RSRC1: variants seen among roughly 807,000 people sequenced by gnomAD.
The protein encoded by RSRC1 is serine/Arginine-related protein 53.
In RSRC1, 39 loss-of-function variants were observed where a neutral mutation model predicts 49.1. The observed-to-expected ratio is 0.79, with a 90% confidence interval of 0.61 to 1.04. RSRC1 has a LOEUF of 1.04. RSRC1 is among the 50% of genes least tolerant of loss of function. The probability of loss-of-function intolerance (pLI) is 0.00; values close to 1 mark genes in which losing one functional copy is unlikely to be tolerated. For missense variants in RSRC1, 388 were observed against 402.4 expected (o/e 0.96, Z 0.31); for synonymous variants, 143 against 130.8 (o/e 1.09, Z -0.63).
intron 7 of RSRC1, among the ~76,000 whole-genome samples, chr3:158,514,396 G>C (rs1290885146): frequency 6.6e-6 from 1 of 152,194 alleles, no homozygotes; most frequent in Non-Finnish European, 1.5e-5. Context: ...TTCAGGAGCA[G>C]TTTGTTCAGT....
At chr3:158,234,212 T>A (rs1723115303) in intron 4 of RSRC1, among the ~76,000 whole-genome samples, 1 of 152,204 alleles carries the variant, frequency 6.6e-6, no homozygotes, top group Non-Finnish European at 1.5e-5. Flanking sequence ...AGATCCCAGC[T>A]ATTCACAAGA....
chr3:158,151,194 A>C (rs1321601234), intron 3 of RSRC1, among the ~76,000 whole-genome samples: 2 of 152,226 alleles, frequency 1.3e-5, no homozygotes, highest in African/African-American at 4.8e-5. Context: ...GAGCCTTCAT[A>C]AGGAAATGAA....
intron 4 of RSRC1, among the ~76,000 whole-genome samples, chr3:158,218,725 A>G (rs1383607123): frequency 1.3e-5 from 2 of 151,702 alleles, no homozygotes; most frequent in South Asian, 2.1e-4. Flanking sequence ...ACAGAAACCT[A>G]TAAAGGGGAG....
At chr3:158,217,032 A>G (rs1221134054) in intron 4 of RSRC1, among the ~76,000 whole-genome samples, 1 of 151,682 alleles carries the variant, frequency 6.6e-6, no homozygotes, top group Admixed American at 6.6e-5. Context: ...CTTCAGCTAT[A>G]TCTATACAGT....
chr3:158,511,514 G>C (rs955878791), intron 7 of RSRC1, among the ~76,000 whole-genome samples: 7 of 152,114 alleles, frequency 4.6e-5, no homozygotes, highest in Non-Finnish European at 7.3e-5. Flanking sequence ...TCTTACTCCA[G>C]TCTATCATTG....
intron 4 of RSRC1, among the ~76,000 whole-genome samples, chr3:158,294,299 A>G (rs991407706): frequency 1.3e-5 from 2 of 151,890 alleles, no homozygotes; most frequent in African/African-American, 4.8e-5. Context: ...TGTATTTTCA[A>G]TCCATCCTCT....
chr3:158,288,053 C>T (rs191427824), intron 4 of RSRC1, among the ~76,000 whole-genome samples: 2 of 152,088 alleles, frequency 1.3e-5, no homozygotes, highest in African/African-American at 4.8e-5. Context: ...TAATGAACAA[C>T]ATGCACAACT....
At chr3:158,149,573 T>C (rs959968094) in intron 3 of RSRC1, among the ~76,000 whole-genome samples, 1 of 152,198 alleles carries the variant, frequency 6.6e-6, no homozygotes, top group Non-Finnish European at 1.5e-5. Context: ...CATTCACTTA[T>C]TCGTATTTGA....
At chr3:158,342,618 T>C (rs1484700525) in intron 5 of RSRC1, among the ~76,000 whole-genome samples, 2 of 152,164 alleles carry the variant, frequency 1.3e-5, no homozygotes, top group African/African-American at 4.8e-5. Flanking sequence ...GATAATAAAT[T>C]ATTATTAACA....
intron 6 of RSRC1, among the ~76,000 whole-genome samples, chr3:158,421,779 C>G (rs1268184734): frequency 6.6e-6 from 1 of 151,720 alleles, no homozygotes; most frequent in African/African-American, 2.4e-5. Flanking sequence ...CAATTGGACC[C>G]GAATTTTAAA....
intron 6 of RSRC1, among the ~76,000 whole-genome samples, chr3:158,416,178 A>ATT (rs138313875): frequency 8.0e-5 from 12 of 150,826 alleles, no homozygotes; most frequent in South Asian, 6.3e-4. Flanking sequence ...AGAGTCTTCT[A>ATT]TTTTTTTTTA....
chr3:158,127,458 A>G (rs1409741655), intron 3 of RSRC1, among the ~76,000 whole-genome samples: 3 of 151,808 alleles, frequency 2.0e-5, no homozygotes, highest in Non-Finnish European at 4.4e-5. Flanking sequence ...TGCGTTTGCT[A>G]CTGAACCTCT....
chr3:158,254,303 A>G (rs1724405165), intron 4 of RSRC1, among the ~76,000 whole-genome samples: 2 of 152,216 alleles, frequency 1.3e-5, no homozygotes, highest in Admixed American at 1.3e-4. Context: ...GCTGGGTCAA[A>G]TGGCATTTCT....
chr3:158,366,497 T>C (rs1317394037), intron 6 of RSRC1, among the ~76,000 whole-genome samples: 1 of 152,156 alleles, frequency 6.6e-6, no homozygotes, highest in Non-Finnish European at 1.5e-5. Context: ...TTCTGTTCCA[T>C]TGGTTTATAT....
chr3:158,341,332 G>T (rs1360415603), intron 5 of RSRC1, among the ~76,000 whole-genome samples: 1 of 152,046 alleles, frequency 6.6e-6, no homozygotes, highest in African/African-American at 2.4e-5. Flanking sequence ...GGAAAAAGTG[G>T]TTTCGTGGGC....
At chr3:158,486,703 C>T (rs1163039227) in intron 7 of RSRC1, among the ~76,000 whole-genome samples, 1 of 152,048 alleles carries the variant, frequency 6.6e-6, no homozygotes, top group African/African-American at 2.4e-5. Flanking sequence ...AATGCCTTTA[C>T]CAGTGCTAGA....
intron 5 of RSRC1, among the ~76,000 whole-genome samples, chr3:158,349,588 G>A (rs1204987324): frequency 6.6e-6 from 1 of 151,250 alleles, no homozygotes; most frequent in Non-Finnish European, 1.5e-5. Flanking sequence ...CAAAATTATG[G>A]TACAGTATCT....
At chr3:158,470,545 G>A (rs1246099320) in intron 7 of RSRC1, among the ~76,000 whole-genome samples, 1 of 151,962 alleles carries the variant, frequency 6.6e-6, no homozygotes, top group Admixed American at 6.6e-5. Flanking sequence ...TGATCAAAAT[G>A]TTTTCTAAAC....
At chr3:158,221,750 A>G (rs1242047010) in intron 4 of RSRC1, among the ~76,000 whole-genome samples, 1 of 151,660 alleles carries the variant, frequency 6.6e-6, no homozygotes, top group African/African-American at 2.4e-5. Context: ...TCAACCTGCC[A>G]GTTCTTCAAA....
Sources: gnomAD v4.1 joint callset for allele counts (sites outside exome capture counted in the v4.1 genomes callset) on GRCh38, gnomAD v4.1.1 for gene constraint, MANE v1.5 for transcripts, NCBI Gene and HGNC (gene_info 2026-07-23, HGNC 2026-07-21) for gene names.